DLGAP1: variants seen among roughly 807,000 people sequenced by gnomAD.
DLGAP1 encodes disks large-associated protein 1.
A neutral mutation model predicts 90.8 loss-of-function variants in DLGAP1; 11 were observed. The observed-to-expected ratio is 0.12, with a 90% confidence interval of 0.08 to 0.20. DLGAP1 has a LOEUF of 0.20. Ranked by LOEUF, DLGAP1 falls within the 10% of genes least tolerant of loss-of-function variation. The pLI is 1.00. For synonymous variants in DLGAP1, 558 were observed against 540.7 expected (o/e 1.03, Z -0.44); for missense variants, 1,050 against 1,333.8 (o/e 0.79, Z 3.31).
At chr18:3,762,909 T>A (rs1366660132) in intron 5 of DLGAP1, among the ~76,000 whole-genome samples, 1 of 152,242 alleles carries the variant, frequency 6.6e-6, no homozygotes, top group Non-Finnish European at 1.5e-5. Context: ...ACCTTTCAAA[T>A]GTGGCTGACA....
chr18:3,864,070 C>T (rs904087396), intron 4 of DLGAP1, among the ~76,000 whole-genome samples: 1 of 152,150 alleles, frequency 6.6e-6, no homozygotes, highest in Non-Finnish European at 1.5e-5. Flanking sequence ...CTGGCCACTG[C>T]CCCCAGAGTT....
intron 1 of DLGAP1, among the ~76,000 whole-genome samples, chr18:4,153,697 C>T (rs2076710477): frequency 6.6e-6 from 1 of 152,190 alleles, no homozygotes; most frequent in African/African-American, 2.4e-5. Flanking sequence ...GGAATTTGGA[C>T]TTCAGCTGTT....
chr18:4,152,741 A>G (rs7231682), intron 1 of DLGAP1, among the ~76,000 whole-genome samples: 1 of 151,892 alleles, frequency 6.6e-6, no homozygotes, highest in East Asian at 1.9e-4. Flanking sequence ...TTTATCCATG[A>G]CATAGAAGAC....
intron 1 of DLGAP1, among the ~76,000 whole-genome samples, chr18:4,373,557 T>A (rs1214097366): frequency 6.6e-6 from 1 of 152,138 alleles, no homozygotes; most frequent in African/African-American, 2.4e-5. Context: ...TGCACACACA[T>A]AAGCACATAT....
rs377462063 is a variant in DLGAP1, at chr18:3,836,152, C to T, written c.958-21879G>A. On this transcript the variant is annotated intron_variant, in intron 4 of 12. Coordinates refer to ENST00000315677, the MANE Select transcript of DLGAP1 (RefSeq NM_004746.4). ...CAAACTGGGTAGGTATACAGGAGAA[C>T]GATAGTCAATTAAAGTATGAAATAT... Among the ~76,000 whole-genome samples, 387 of 152,128 alleles carry T rather than the reference C, an allele frequency of 2.5e-3. 2 individuals carry two copies. The highest frequency in any genetic ancestry group is 4.3e-3 in the Non-Finnish European group (292 of 68,010).
chr18:4,411,963 A>ATAAGCTCAAT (rs2082788087), intron 1 of DLGAP1, among the ~76,000 whole-genome samples: 2 of 152,180 alleles, frequency 1.3e-5, no homozygotes, highest in Admixed American at 6.5e-5. Context: ...GGAGCAAAAA[A>ATAAGCTCAAT]TAAGCTCAAT....
intron 7 of DLGAP1, among the ~76,000 whole-genome samples, chr18:3,641,732 T>A (rs1196248751): frequency 1.3e-5 from 2 of 152,042 alleles, no homozygotes; most frequent in Admixed American, 6.6e-5. Context: ...TTTCACCTCA[T>A]CATCTCACTT....
At chr18:3,511,919 A>G (rs968547184) in intron 10 of DLGAP1, among the ~76,000 whole-genome samples, 1 of 152,194 alleles carries the variant, frequency 6.6e-6, no homozygotes, top group South Asian at 2.1e-4. Flanking sequence ...GGTGATCGCT[A>G]AGGGTCATTT....
At chr18:3,773,482 G>A (rs926174611) in intron 5 of DLGAP1, among the ~76,000 whole-genome samples, 1 of 152,168 alleles carries the variant, frequency 6.6e-6, no homozygotes, top group Admixed American at 6.5e-5. Context: ...TAATTAGTTA[G>A]AATAGTTAAT....
At chr18:3,505,421 A>G (rs1449246044) in intron 11 of DLGAP1, among the ~76,000 whole-genome samples, 1 of 151,664 alleles carries the variant, frequency 6.6e-6, no homozygotes, top group Non-Finnish European at 1.5e-5. Flanking sequence ...GGAGGATCAC[A>G]AGGTCAGGAG....
At chr18:4,249,682 G>T (rs952574739) in intron 1 of DLGAP1, among the ~76,000 whole-genome samples, 6 of 152,074 alleles carry the variant, frequency 3.9e-5, no homozygotes. Context: ...CTATCTCCAC[G>T]GTTCAAGCAA....
At chr18:4,087,456 T>A (rs1206475056) in intron 2 of DLGAP1, among the ~76,000 whole-genome samples, 1 of 152,236 alleles carries the variant, frequency 6.6e-6, no homozygotes, top group African/African-American at 2.4e-5. Flanking sequence ...CTACTGCAGA[T>A]AACTAGCCAG....
At chr18:4,065,045 G>A (rs4635424) in intron 2 of DLGAP1, among the ~76,000 whole-genome samples, 1 of 151,766 alleles carries the variant, frequency 6.6e-6, no homozygotes, top group African/African-American at 2.4e-5. Context: ...AATAAATGTG[G>A]TTCATCATAT....
intron 9 of DLGAP1, among the ~76,000 whole-genome samples, chr18:3,548,161 T>C (rs2053166668): frequency 6.6e-6 from 1 of 152,198 alleles, no homozygotes; most frequent in Non-Finnish European, 1.5e-5. Flanking sequence ...ATTTTGGAAC[T>C]AAGTCGTGAT....
intron 5 of DLGAP1, among the ~76,000 whole-genome samples, chr18:3,757,554 G>A (rs2063767121): frequency 6.6e-6 from 1 of 152,112 alleles, no homozygotes; most frequent in South Asian, 2.1e-4. Flanking sequence ...TGATGACCAA[G>A]TCAGACATAC....
At chr18:3,576,360 A>G (rs1473230899) in intron 8 of DLGAP1, among the ~76,000 whole-genome samples, 2 of 151,370 alleles carry the variant, frequency 1.3e-5, no homozygotes, top group East Asian at 3.9e-4. Context: ...GCAGGGTTCA[A>G]TCAATTCTCT....
chr18:4,391,146 A>G (rs1056553729), intron 1 of DLGAP1, among the ~76,000 whole-genome samples: 15 of 152,222 alleles, frequency 9.9e-5, no homozygotes, highest in Non-Finnish European at 1.6e-4. Context: ...ACAGACATAT[A>G]TATTTCCCAA....
At chr18:4,194,430 A>G (rs2077456975) in intron 1 of DLGAP1, among the ~76,000 whole-genome samples, 1 of 152,188 alleles carries the variant, frequency 6.6e-6, no homozygotes. Context: ...ATTACAGATA[A>G]AATATTATAT....
intron 5 of DLGAP1, among the ~76,000 whole-genome samples, chr18:3,785,740 G>A (rs1480741053): frequency 6.6e-6 from 1 of 152,182 alleles, no homozygotes; most frequent in Non-Finnish European, 1.5e-5. Context: ...GATGGGAGGT[G>A]GAAGGCAACT....
Sources: gnomAD v4.1 joint callset for allele counts (sites outside exome capture counted in the v4.1 genomes callset) on GRCh38, gnomAD v4.1.1 for gene constraint, MANE v1.5 for transcripts, NCBI Gene and HGNC (gene_info 2026-07-23, HGNC 2026-07-21) for gene names.